HTR4: variants seen among roughly 807,000 people sequenced by gnomAD.
The protein encoded by HTR4 is 5-hydroxytryptamine receptor 4.
HTR4 carries 16 observed loss-of-function variants against 36.8 expected under a neutral mutation model. That is an observed-to-expected ratio of 0.43 (90% CI 0.29 to 0.66). The LOEUF is 0.66. Among genes scored for constraint, HTR4 ranks in the 30% least tolerant of loss-of-function variants. The probability of loss-of-function intolerance (pLI) is 0.13; values close to 1 mark genes in which losing one functional copy is unlikely to be tolerated. For missense variants in HTR4, 438 were observed against 490.9 expected (o/e 0.89, Z 1.02); for synonymous variants, 189 against 185.1 (o/e 1.02, Z -0.17).
intron 6 of HTR4, among the ~76,000 whole-genome samples, chr5:148,497,608 A>G (rs544638443): frequency 2.0e-5 from 3 of 152,278 alleles, no homozygotes; most frequent in South Asian, 4.1e-4. Flanking sequence ...CTTCTCTGCC[A>G]CTATGTGCAC....
At chr5:148,521,077 C>T in intron 5 of HTR4, 5 of 1,287,536 alleles carry the variant, frequency 3.9e-6, no homozygotes, top group Non-Finnish European at 5.2e-6. Flanking sequence ...ACTCCACTTC[C>T]CACATCTCGA....
intron 2 of HTR4, among the ~76,000 whole-genome samples, chr5:148,575,495 G>A (rs1040349012): frequency 2.0e-5 from 3 of 152,004 alleles, no homozygotes; most frequent in Non-Finnish European, 4.4e-5. Flanking sequence ...ACTGCTGTGG[G>A]AGCATCACCA....
chr5:148,644,422 G>GTTTTTTTTTTTTTTTTT (rs1175588280), intron 1 of HTR4, among the ~76,000 whole-genome samples: 2 of 40,618 alleles, frequency 4.9e-5, no homozygotes, highest in African/African-American at 2.1e-4. Flanking sequence ...AAGCTCACAA[G>GTTTTTTTTTTTTTTTTT]TTTTTTTTTT....
chr5:148,623,571 T>C (rs1752987901), intron 2 of HTR4, among the ~76,000 whole-genome samples: 2 of 152,162 alleles, frequency 1.3e-5, no homozygotes, highest in Non-Finnish European at 1.5e-5. Context: ...TTCACTGATA[T>C]ATGTAATAAT....
chr5:148,574,390 G>A (rs200777750), intron 2 of HTR4, among the ~76,000 whole-genome samples: 2 of 148,508 alleles, frequency 1.3e-5, no homozygotes, highest in Non-Finnish European at 3.0e-5. Context: ...GCTCTCGCGC[G>A]CTCTCTCTCT....
intron 2 of HTR4, among the ~76,000 whole-genome samples, chr5:148,554,137 G>A (rs1039562516): frequency 1.3e-5 from 2 of 152,250 alleles, no homozygotes; most frequent in Admixed American, 6.5e-5. Context: ...GTGCAATGGC[G>A]CGATCTTGGC....
At chr5:148,601,573 G>C (rs923560260) in intron 2 of HTR4, among the ~76,000 whole-genome samples, 1 of 152,114 alleles carries the variant, frequency 6.6e-6, no homozygotes, top group Non-Finnish European at 1.5e-5. Flanking sequence ...GGCTGAGAGG[G>C]GTGGATATCT....
chr5:148,538,853 T>C (rs1015038542), intron 4 of HTR4, among the ~76,000 whole-genome samples: 4 of 152,160 alleles, frequency 2.6e-5, no homozygotes, highest in African/African-American at 9.7e-5. Context: ...AAAACATTCT[T>C]TGCAGAAGTA....
chr5:148,507,937 C>T (rs546441537), intron 6 of HTR4, among the ~76,000 whole-genome samples: 114 of 152,280 alleles, frequency 7.5e-4, no homozygotes, highest in African/African-American at 2.6e-3. Context: ...CTTTCTATGA[C>T]ACTCCTGAAG....
intron 2 of HTR4, among the ~76,000 whole-genome samples, chr5:148,600,434 T>G (rs114138283): frequency 6.6e-6 from 1 of 150,486 alleles, no homozygotes; most frequent in East Asian, 1.9e-4. Flanking sequence ...ACAGGACTGA[T>G]AGGGATGACA....
At chr5:148,456,012 T>C (rs188309793) in intron 5 of HTR4, among the ~76,000 whole-genome samples, 1 of 152,098 alleles carries the variant, frequency 6.6e-6, no homozygotes, top group East Asian at 1.9e-4. Context: ...ACCCAGACGG[T>C]TCAAACCCAC....
chr5:148,458,691 T>G (rs1187586539), intron 5 of HTR4, among the ~76,000 whole-genome samples: 1 of 152,092 alleles, frequency 6.6e-6, no homozygotes, highest in Admixed American at 6.5e-5. Context: ...CCCACAGTCC[T>G]GGGGGCAGGC....
At chr5:148,652,449 G>A (rs1754067936) in intron 1 of HTR4, among the ~76,000 whole-genome samples, 1 of 152,198 alleles carries the variant, frequency 6.6e-6, no homozygotes. Context: ...CCTTTAGTCT[G>A]TGAAGTTGGG....
intron 5 of HTR4, among the ~76,000 whole-genome samples, chr5:148,462,816 T>G (rs1755311179): frequency 6.6e-6 from 1 of 152,286 alleles, no homozygotes. Flanking sequence ...CCCACCCAAC[T>G]AAGTGGAATT....
chr5:148,531,717 G>T (rs189434565), intron 4 of HTR4, among the ~76,000 whole-genome samples: 43 of 152,200 alleles, frequency 2.8e-4, no homozygotes, highest in Admixed American at 1.7e-3. Flanking sequence ...TCAATTTTCG[G>T]TAACTTGTAG....
chr5:148,586,010 G>T (rs891921884), intron 2 of HTR4, among the ~76,000 whole-genome samples: 4 of 152,112 alleles, frequency 2.6e-5, no homozygotes, highest in African/African-American at 9.7e-5. Context: ...AGGGCCATTT[G>T]TTTTGACTGT....
Position 148,548,670 on chromosome 5 carries a change from A to C in HTR4, c.351T>G (p.Asp117Glu). 1 of 1,598,890 alleles carries C rather than the reference A, an allele frequency of 6.3e-7. No homozygotes were observed. Among genetic ancestry groups the C allele is most frequent in the Non-Finnish European group, 8.5e-7 (1 of 1,171,670 alleles). The stretch of plus-strand genomic sequence containing the variant: ...TATGCACATTGTTCTGTCCTTACCT[A>C]TCCAGAGAAATGCAGCACAGGTGAA... ...SIFHLCCISL[D>E]RYYAICCQPL... The change falls in exon 4 of 7, where the codon GAT becomes GAG. Residue 117 changes from aspartate to glutamate, a missense_variant and splice_region_variant. Transcript: ENST00000377888.
chr5:148,608,275 G>C (rs988511435), intron 2 of HTR4, among the ~76,000 whole-genome samples: 1 of 152,042 alleles, frequency 6.6e-6, no homozygotes, highest in South Asian at 2.1e-4. Context: ...AGTCTTGCAG[G>C]GGAAACAAAC....
At chr5:148,642,902 A>T (rs1753770379) in intron 1 of HTR4, among the ~76,000 whole-genome samples, 3 of 152,130 alleles carry the variant, frequency 2.0e-5, no homozygotes, top group Admixed American at 2.0e-4. Flanking sequence ...TCACCAAAAA[A>T]ACCATATTGT....
Sources: gnomAD v4.1 joint callset for allele counts (sites outside exome capture counted in the v4.1 genomes callset) on GRCh38, gnomAD v4.1.1 for gene constraint, MANE v1.5 for transcripts, NCBI Gene and HGNC (gene_info 2026-07-23, HGNC 2026-07-21) for gene names.